MACROD2: variants seen among roughly 807,000 people sequenced by gnomAD.
MACROD2 encodes the protein ADP-ribose glycohydrolase MACROD2.
A neutral mutation model predicts 70.4 loss-of-function variants in MACROD2; 36 were observed. The observed-to-expected ratio is 0.51, with a 90% confidence interval of 0.39 to 0.68. MACROD2 has a LOEUF of 0.68. Ranked by LOEUF, MACROD2 falls within the 30% of genes least tolerant of loss-of-function variation. The pLI, the probability that MACROD2 is intolerant of heterozygous loss-of-function variation, is 0.00. For synonymous variants in MACROD2, 172 were observed against 178.8 expected, an observed-to-expected ratio of 0.96 and a Z score of 0.30; for missense variants, 496 against 538.4, an observed-to-expected ratio of 0.92 and a Z score of 0.78.
chr20:14,208,576 A>G (rs1465837555), intron 3 of MACROD2, among the ~76,000 whole-genome samples: 1 of 152,236 alleles, frequency 6.6e-6, no homozygotes, highest in Non-Finnish European at 1.5e-5. Context: ...TAGTAGTGTT[A>G]CAGAGAGTAG....
chr20:14,505,717 G>T (rs983409056), intron 4 of MACROD2, among the ~76,000 whole-genome samples: 1 of 152,130 alleles, frequency 6.6e-6, no homozygotes, highest in Non-Finnish European at 1.5e-5. Context: ...AACAAGTTCC[G>T]TTTTAATGCT....
chr20:15,123,777 C>G (rs1418479664), intron 5 of MACROD2, among the ~76,000 whole-genome samples: 1 of 152,142 alleles, frequency 6.6e-6, no homozygotes, highest in Non-Finnish European at 1.5e-5. Context: ...ATAAAGATTT[C>G]TAATCAATGC....
At chr20:15,949,912 C>G (rs1369352968) in intron 12 of MACROD2, among the ~76,000 whole-genome samples, 1 of 152,110 alleles carries the variant, frequency 6.6e-6, no homozygotes, top group Non-Finnish European at 1.5e-5. Flanking sequence ...TGCATGAAGT[C>G]TTTTCTGTCT....
intron 5 of MACROD2, among the ~76,000 whole-genome samples, chr20:15,157,014 A>C (rs923512981): frequency 7.9e-5 from 12 of 152,228 alleles, no homozygotes; most frequent in Non-Finnish European, 1.5e-5. Context: ...AATATGTTAC[A>C]ATTTCCTAGT....
At chr20:14,237,994 A>G (rs935523675) in intron 3 of MACROD2, among the ~76,000 whole-genome samples, 7 of 152,002 alleles carry the variant, frequency 4.6e-5, no homozygotes, top group Admixed American at 2.6e-4. Flanking sequence ...GAATAGTGCC[A>G]CAATAAACAT....
chr20:14,006,215 A>G (rs1441477655), intron 2 of MACROD2, among the ~76,000 whole-genome samples: 1 of 152,108 alleles, frequency 6.6e-6, no homozygotes, highest in East Asian at 1.9e-4. Context: ...TTTGTAGTAT[A>G]CCTTACAATG....
rs6110322 is a variant in MACROD2, at chr20:14,548,839, A to G, written c.301+55331A>G. On this transcript the variant is annotated intron_variant, in intron 4 of 17. Coordinates refer to ENST00000684519, the MANE Select transcript of MACROD2 (RefSeq NM_001351661.2). ...ATGAACAGAGGAGTGGGAGAAGTAA[A>G]AAAGGGAATGGATGAGGCTAAAAAA... 1.4e-3 allele frequency among the ~76,000 whole-genome samples: 213 copies of G among 152,226 alleles called. 1 individual carries two copies. The highest frequency in any genetic ancestry group is 4.8e-3 in the African/African-American group (199 of 41,510).
intron 8 of MACROD2, among the ~76,000 whole-genome samples, chr20:15,623,714 A>G (rs1246436917): frequency 1.3e-5 from 2 of 151,798 alleles, no homozygotes; most frequent in Non-Finnish European, 2.9e-5. Flanking sequence ...CTATCTATCT[A>G]TCTATCGATG....
intron 6 of MACROD2, among the ~76,000 whole-genome samples, chr20:15,392,221 A>G (rs1284504635): frequency 6.6e-6 from 1 of 152,218 alleles, no homozygotes; most frequent in Admixed American, 6.5e-5. Flanking sequence ...TCTTTTCATA[A>G]TATGAAAAAA....
Position 15,990,945 on chromosome 20 carries a change from C to T in MACROD2, c.1153+3787C>T, listed in dbSNP as rs530470332. ...AACCACATTCTTGGTGAAACAAGAG[C>T]GATGGCATGGGAGCCAATGGTCAGC... On this transcript the variant is annotated intron_variant, in intron 15 of 17. Coordinates refer to ENST00000684519, the MANE Select transcript of MACROD2 (RefSeq NM_001351661.2). Among the ~76,000 whole-genome samples the T allele has an allele frequency of 3.9e-5, 6 of 152,232 alleles. No individual in the cohort carries two copies. The South Asian group carries it at 8.3e-4, about 21-fold the overall frequency.
In MACROD2 at chr20:14,739,124, A is replaced by G. The variant is rs185393296; in HGVS notation, c.418+54165A>G. Among the ~76,000 whole-genome samples, 482 of 152,160 alleles carry G rather than the reference A, an allele frequency of 3.2e-3. 2 individuals are homozygous for G. The highest frequency in any genetic ancestry group is 9.5e-3 in the South Asian group (46 of 4,820). ...TGTTAGGACTTTAAATTGGTATAGC[A>G]TTTGGAGGAAATAATTTAGCAATGT... On this transcript the variant is annotated intron_variant, in intron 5 of 17. Coordinates refer to ENST00000684519, the MANE Select transcript of MACROD2 (RefSeq NM_001351661.2).
intron 2 of MACROD2, among the ~76,000 whole-genome samples, chr20:14,056,896 TTG>T (rs529088888): frequency 7.6e-4 from 115 of 152,144 alleles, no homozygotes; most frequent in East Asian, 1.4e-3. Context: ...TGTATTACTG[TTG>T]TGTGTTTGTC....
At chr20:14,955,318 A>C (rs1548283) in intron 5 of MACROD2, among the ~76,000 whole-genome samples, 1 of 141,720 alleles carries the variant, frequency 7.1e-6, no homozygotes, top group South Asian at 2.1e-4. Flanking sequence ...ATTATATATA[A>C]TTTATATAAC....
chr20:14,973,206 C>T (rs2122808244), intron 5 of MACROD2, among the ~76,000 whole-genome samples: 1 of 148,978 alleles, frequency 6.7e-6, no homozygotes, highest in South Asian at 2.1e-4. Flanking sequence ...AGCTAGAGTG[C>T]CTAAGAGGTG....
chr20:14,629,936 T>C (rs1984404579), intron 4 of MACROD2, among the ~76,000 whole-genome samples: 2 of 151,416 alleles, frequency 1.3e-5, no homozygotes, highest in Non-Finnish European at 2.9e-5. Context: ...CTAACTCAGA[T>C]CCTATTATGT....
intron 4 of MACROD2, among the ~76,000 whole-genome samples, chr20:14,574,648 A>G (rs902231832): frequency 2.0e-5 from 3 of 151,002 alleles, no homozygotes; most frequent in African/African-American, 7.3e-5. Context: ...TATAAATTAT[A>G]AAATATATTA....
intron 17 of MACROD2, among the ~76,000 whole-genome samples, chr20:16,049,607 G>C (rs1439218048): frequency 6.6e-6 from 1 of 152,156 alleles, no homozygotes; most frequent in Non-Finnish European, 1.5e-5. Context: ...CGTTGTCAAT[G>C]TGGCATACAT....
Position 15,310,034 on chromosome 20 carries a change from G to A in MACROD2, c.540+79973G>A, listed in dbSNP as rs529831641. On this transcript the variant is annotated intron_variant, in intron 6 of 17. Transcript: ENST00000684519. ...AGACTAATGCAGGTTTCCATTTAATGTCTGTGTTTTACTAGCATAGTATGG... is the reference window on the plus strand; with the variant it reads ...AGACTAATGCAGGTTTCCATTTAATATCTGTGTTTTACTAGCATAGTATGG... Among the ~76,000 whole-genome samples the A allele has an allele frequency of 3.9e-5, 6 of 152,214 alleles. No individual in the cohort carries two copies. In the East Asian group the frequency reaches 1.2e-3, roughly 29 times the overall value.
At chr20:14,735,489 A>G (rs188806609) in intron 5 of MACROD2, among the ~76,000 whole-genome samples, 1 of 152,232 alleles carries the variant, frequency 6.6e-6, no homozygotes, top group Admixed American at 6.5e-5. Flanking sequence ...AAAACAAGTA[A>G]CAAGTGTTGG....
Sources: allele counts gnomAD v4.1 joint callset (sites outside exome capture counted in the v4.1 genomes callset), GRCh38; gene constraint gnomAD v4.1.1; transcripts MANE v1.5; gene names NCBI Gene and HGNC (gene_info 2026-07-23, HGNC 2026-07-21).